The following CUEDC1 variants were observed in gnomAD, a reference collection of about 807,000 sequenced individuals.
CUEDC1 encodes the protein CUE domain-containing protein 1.
CUEDC1 carries 30 observed loss-of-function variants against 43.7 expected under a neutral mutation model. The ratio of observed to expected loss-of-function variants is 0.69; its 90% CI spans 0.51 to 0.93. The LOEUF (loss-of-function observed/expected upper bound fraction) is 0.93, where lower values mean the gene tolerates loss of function less well. Ranked by LOEUF, CUEDC1 falls within the 40% of genes least tolerant of loss-of-function variation. The probability of loss-of-function intolerance (pLI) is 0.00; values close to 1 mark genes in which losing one functional copy is unlikely to be tolerated. For synonymous variants in CUEDC1, 223 were observed against 223.6 expected, an observed-to-expected ratio of 1.00 and a Z score of 0.02; for missense variants, 486 against 549.0, an observed-to-expected ratio of 0.89 and a Z score of 1.15.
intron 1 of CUEDC1, among the ~76,000 whole-genome samples, chr17:57,917,164 C>A (rs1235904195): frequency 6.6e-6 from 1 of 152,240 alleles, no homozygotes; most frequent in Non-Finnish European, 1.5e-5. Context: ...CCCATCAGGG[C>A]ACACAGGTGC....
At chr17:57,884,502 G>A (rs1361522885) in intron 2 of CUEDC1, among the ~76,000 whole-genome samples, 1 of 152,066 alleles carries the variant, frequency 6.6e-6, no homozygotes, top group Non-Finnish European at 1.5e-5. Flanking sequence ...GGCCCCAGCC[G>A]CACTCTTTTT....
At chr17:57,893,346 G>GGTGTGTGT (rs1456034263) in intron 1 of CUEDC1, among the ~76,000 whole-genome samples, 8 of 89,994 alleles carry the variant, frequency 8.9e-5, no homozygotes, top group African/African-American at 2.4e-4. Flanking sequence ...AGGCTCTCAG[G>GGTGTGTGT]GTATGTGTGT....
chr17:57,913,057 G>A (rs2074601082), intron 1 of CUEDC1, among the ~76,000 whole-genome samples: 1 of 152,084 alleles, frequency 6.6e-6, no homozygotes, highest in Non-Finnish European at 1.5e-5. Flanking sequence ...CGGGCACAGT[G>A]GCTCACACCT....
Position 57,878,647 on chromosome 17 carries a change from ATTATTTAT to A in CUEDC1, c.464+956_464+963del, listed in dbSNP as rs10528320. ...TGGGATCTTCCTGGCAACTACCTTG[ATTATTTAT>A]TTATTTATTTATTTATTTATTTATT... On this transcript the variant is annotated intron_variant, in intron 3 of 10. Transcript: ENST00000577830. 7.1e-3 allele frequency among the ~76,000 whole-genome samples: 1,040 copies of A among 147,386 alleles called. 10 individuals carry two copies. The highest frequency in any genetic ancestry group is 0.019 in the African/African-American group (753 of 39,284).
At chr17:57,917,292 C>A (rs1023421719) in intron 1 of CUEDC1, among the ~76,000 whole-genome samples, 1 of 152,200 alleles carries the variant, frequency 6.6e-6, no homozygotes, top group Non-Finnish European at 1.5e-5. Flanking sequence ...CAACAAGAGG[C>A]CCAGCAGATG....
chr17:57,897,498 G>A (rs989861365), intron 1 of CUEDC1, among the ~76,000 whole-genome samples: 15 of 151,824 alleles, frequency 9.9e-5, no homozygotes, highest in East Asian at 1.9e-4. Flanking sequence ...GTGAAACCCC[G>A]TCTCTACTAA....
At chr17:57,864,812 G>C (rs758718550) in intron 10 of CUEDC1, among the ~76,000 whole-genome samples, 1 of 152,144 alleles carries the variant, frequency 6.6e-6, no homozygotes, top group Non-Finnish European at 1.5e-5. Flanking sequence ...CTAGCACTTT[G>C]GGAGGTCCAG....
In CUEDC1 at chr17:57,955,007, G is replaced by A. The variant is rs948492993; in HGVS notation, c.-316+218C>T. On this transcript the variant is annotated intron_variant, in intron 1 of 10. Transcript: ENST00000577830. The surrounding 1 kb of genome is among the most constrained non-coding windows in gnomAD (Gnocchi z 5.3). Reference sequence around the variant, plus strand: ...TGAGGTGGGGGCTCGGGAAGGAAGGGCGGGCGGGGACCTGCCGCACGCGGA... The same window carrying A: ...TGAGGTGGGGGCTCGGGAAGGAAGGACGGGCGGGGACCTGCCGCACGCGGA... Among the ~76,000 whole-genome samples, 31 of 151,444 alleles carry A rather than the reference G, an allele frequency of 2.0e-4. No individual in the cohort carries two copies. Among genetic ancestry groups the A allele is most frequent in the African/African-American group, 7.2e-4 (30 of 41,434 alleles).
chr17:57,897,176 AC>A lies in CUEDC1; in HGVS notation c.-315-11298del, dbSNP rs562823934. Among the ~76,000 whole-genome samples, 1,073 of 152,264 alleles carry A rather than the reference AC, an allele frequency of 7.0e-3. 4 individuals carry two copies. Among genetic ancestry groups the A allele is most frequent in the Non-Finnish European group, 0.012 (809 of 68,016 alleles). ...TGGTAGGTACATGCATTTTCTATATACTTGGCATGCATTATCTCATCAAATC... is the reference window on the plus strand; with the variant it reads ...TGGTAGGTACATGCATTTTCTATATATTGGCATGCATTATCTCATCAAATC... On this transcript the variant is annotated intron_variant, in intron 1 of 10. Transcript: ENST00000577830.
intron 1 of CUEDC1, among the ~76,000 whole-genome samples, chr17:57,896,309 ACCCGTAG>A (rs2074407285): frequency 6.6e-6 from 1 of 152,186 alleles, no homozygotes; most frequent in African/African-American, 2.4e-5. Flanking sequence ...CTACAAGTCT[ACCCGTAG>A]CAGGCTGATG....
intron 1 of CUEDC1, among the ~76,000 whole-genome samples, chr17:57,944,500 G>T (rs2074944193): frequency 6.6e-6 from 1 of 152,198 alleles, no homozygotes. Context: ...GTGAGCCACT[G>T]CGCCTGGCCA....
At chr17:57,950,182 ACT>A (rs1196005678) in intron 1 of CUEDC1, among the ~76,000 whole-genome samples, 1 of 150,944 alleles carries the variant, frequency 6.6e-6, no homozygotes, top group Non-Finnish European at 1.5e-5. Flanking sequence ...ACAGAGTCTC[ACT>A]CTGTCACCCA....
chr17:57,889,339 T>C (rs955486819), intron 1 of CUEDC1, among the ~76,000 whole-genome samples: 2 of 150,724 alleles, frequency 1.3e-5, no homozygotes, highest in African/African-American at 4.9e-5. Flanking sequence ...TCTAGGGGGG[T>C]CTTCCCCAGC....
intron 1 of CUEDC1, among the ~76,000 whole-genome samples, chr17:57,909,242 G>T (rs958720468): frequency 6.6e-6 from 1 of 152,004 alleles, no homozygotes; most frequent in Non-Finnish European, 1.5e-5. Flanking sequence ...CAATCTGCCC[G>T]CCTCAGCCTC....
chr17:57,907,381 C>CAGCAGTCT (rs2143036060), intron 1 of CUEDC1, among the ~76,000 whole-genome samples: 1 of 152,236 alleles, frequency 6.6e-6, no homozygotes, highest in South Asian at 2.1e-4. Flanking sequence ...AGAAGAGGAT[C>CAGCAGTCT]AGCAGTCTGT....
chr17:57,903,763 C>T (rs766351382), intron 1 of CUEDC1, among the ~76,000 whole-genome samples: 4 of 151,830 alleles, frequency 2.6e-5, no homozygotes, highest in Non-Finnish European at 5.9e-5. Flanking sequence ...ACATAGAGAC[C>T]CTTTCTCTAC....
intron 1 of CUEDC1, among the ~76,000 whole-genome samples, chr17:57,944,318 C>T (rs974955631): frequency 1.3e-5 from 2 of 150,100 alleles, no homozygotes; most frequent in Admixed American, 6.7e-5. Flanking sequence ...TCAAGTGATT[C>T]TCCTGCCTCA....
rs557613034 is a variant in CUEDC1, at chr17:57,916,505, G to A, written c.-315-30626C>T. On this transcript the variant is annotated intron_variant, in intron 1 of 10. Coordinates refer to ENST00000577830, the MANE Select transcript of CUEDC1 (RefSeq NM_001271875.2). ...AGGCTGCACCTGTTTCCATGGAGATGCGACGGGGAAGCAAAGGAACAAAAC... is the reference window on the plus strand; with the variant it reads ...AGGCTGCACCTGTTTCCATGGAGATACGACGGGGAAGCAAAGGAACAAAAC... 7.9e-5 allele frequency among the ~76,000 whole-genome samples: 12 copies of A among 152,360 alleles called. No individual in the cohort carries two copies. The South Asian group carries it at 1.2e-3, about 16-fold the overall frequency.
rs1020093667 is a variant in CUEDC1 at position 57,955,136 on chromosome 17, G to T, written c.-316+89C>A. On this transcript the variant is annotated intron_variant, in intron 1 of 10. Coordinates refer to ENST00000577830, the MANE Select transcript of CUEDC1 (RefSeq NM_001271875.2). This position sits in a 1 kb window ranked among gnomAD's most constrained non-coding sequence, Gnocchi z 5.3. The stretch of plus-strand genomic sequence containing the variant: ...GGTCCCGAGAAGGTGGGGCCGCTGG[G>T]CCGGGGCCGCGGCCGGGATTGCGCG... The T allele has an allele frequency of 6.7e-6, 1 of 148,182 alleles. No homozygotes were observed. The highest frequency in any genetic ancestry group is 2.4e-5 in the African/African-American group (1 of 40,926). The allele number at this position is 148,182 out of a possible 1,614,324, so 9.2% of individuals were successfully genotyped here.
Sources: gnomAD v4.1 joint callset for allele counts (sites outside exome capture counted in the v4.1 genomes callset) on GRCh38, gnomAD v4.1.1 for gene constraint, Gnocchi (gnomAD v3.1) non-coding constraint, MANE v1.5 for transcripts, NCBI Gene and HGNC (gene_info 2026-07-23, HGNC 2026-07-21) for gene names.